Variants in CASQ2 observed in about 807,000 individuals in gnomAD.
The protein encoded by CASQ2 is calsequestrin 2, also known as calsequestrin-2.
A neutral mutation model predicts 46.5 loss-of-function variants in CASQ2; 49 were observed. The ratio of observed to expected loss-of-function variants is 1.05; its 90% CI spans 0.84 to 1.34. CASQ2 has a LOEUF of 1.34. Among genes scored for constraint, CASQ2 ranks in the 40% most tolerant of loss-of-function variants. The probability of loss-of-function intolerance (pLI) is 0.00; values close to 1 mark genes in which losing one functional copy is unlikely to be tolerated. For missense variants in CASQ2, 486 were observed against 481.3 expected, an observed-to-expected ratio of 1.01 and a Z score of -0.09; for synonymous variants, 174 against 168.5, an observed-to-expected ratio of 1.03 and a Z score of -0.25.
Position 115,730,764 on chromosome 1 carries a change from G to GT in CASQ2, c.606+2136dup, listed in dbSNP as rs529586799. Among the ~76,000 whole-genome samples the GT allele has an allele frequency of 4.3e-3, 653 of 152,244 alleles. 6 individuals carry two copies. Among genetic ancestry groups the GT allele is most frequent in the African/African-American group, 0.015 (625 of 41,530 alleles). On this transcript the variant is annotated intron_variant, in intron 5 of 10. Transcript: ENST00000261448. ...ATATCCACTTTTACTAGTGCCAGTT[G>GT]TTTTTTGCATTTTTGTGACCGCATT...
rs140006560 is a variant in CASQ2 at position 115,709,658 on chromosome 1, C to G, written c.839-4366G>C. 5.8e-3 allele frequency among the ~76,000 whole-genome samples: 885 copies of G among 152,336 alleles called. 9 individuals are homozygous for G. The highest frequency in any genetic ancestry group is 0.02 in the African/African-American group (845 of 41,564). On this transcript the variant is annotated intron_variant, in intron 8 of 10. Coordinates refer to ENST00000261448, the MANE Select transcript of CASQ2 (RefSeq NM_001232.4). The stretch of plus-strand genomic sequence containing the variant: ...AAACTCCAGGTAGATGAATAGCCCT[C>G]ACTCAGAACATTTGTCTCTGTTGAA...
rs149031487 is a variant in CASQ2, at chr1:115,714,260, A to T, written c.838+3580T>A. Among the ~76,000 whole-genome samples the T allele has an allele frequency of 5.4e-3, 829 of 152,280 alleles. 7 individuals carry two copies. The highest frequency in any genetic ancestry group is 0.019 in the African/African-American group (794 of 41,552). On this transcript the variant is annotated intron_variant, in intron 8 of 10. Coordinates refer to ENST00000261448, the MANE Select transcript of CASQ2 (RefSeq NM_001232.4). ...AAGTACACAGTAAGTGACAATCATC[A>T]TCATCTTCCTCATAGTCATGATGTA...
At chr1:115,711,977 T>A (rs1654562874) in intron 8 of CASQ2, among the ~76,000 whole-genome samples, 1 of 152,206 alleles carries the variant, frequency 6.6e-6, no homozygotes, top group Admixed American at 6.5e-5. Context: ...CAGGCAGGTA[T>A]AATTTGAGTT....
At chr1:115,768,112 A>G (rs1364452789) in intron 1 of CASQ2, among the ~76,000 whole-genome samples, 196 bp downstream of exon 1, 1 of 152,198 alleles carries the variant, frequency 6.6e-6, no homozygotes, top group African/African-American at 2.4e-5. Flanking sequence ...CTTCATTTGA[A>G]GAGTTAGGAC....
At chr1:115,765,947 G>A (rs1404445078) in intron 1 of CASQ2, among the ~76,000 whole-genome samples, 2 of 152,196 alleles carry the variant, frequency 1.3e-5, no homozygotes, top group Non-Finnish European at 2.9e-5. Flanking sequence ...CATGAAGAAA[G>A]TTTAAAGGCA....
Position 115,700,753 on chromosome 1 carries a change from T to G in CASQ2, c.*488A>C, listed in dbSNP as rs1570791284. On this transcript the variant is annotated 3_prime_UTR_variant, in exon 11 of 11. Coordinates refer to ENST00000261448, the MANE Select transcript of CASQ2 (RefSeq NM_001232.4). ...TGAGCCTTCTCTAAGAAGGATCATCTTGGCTGGAGGAGGGATCCCAACTGA... is the reference window on the plus strand; with the variant it reads ...TGAGCCTTCTCTAAGAAGGATCATCGTGGCTGGAGGAGGGATCCCAACTGA... 4 of 416,732 alleles carry G rather than the reference T, an allele frequency of 9.6e-6. No individual in the cohort carries two copies. The East Asian group carries it at 1.4e-4, about 15-fold the overall frequency. The allele number at this position is 416,732 out of a possible 1,614,324, so 25.8% of individuals were successfully genotyped here. A position where few individuals can be genotyped will look rare whatever the true frequency, so the allele number is the denominator to read the frequency against.
chr1:115,750,454 A>T (rs561022391), intron 1 of CASQ2, among the ~76,000 whole-genome samples: 1 of 152,296 alleles, frequency 6.6e-6, no homozygotes, highest in South Asian at 2.1e-4. Context: ...ACCATTGCTG[A>T]TTCTTTTAAG....
intron 7 of CASQ2, 83 bp downstream of exon 7, chr1:115,725,425 G>T: frequency 6.6e-7 from 1 of 1,514,488 alleles, no homozygotes. Flanking sequence ...CTTGGTTTGA[G>T]TTTGGGGACT....
In CASQ2 at chr1:115,745,989, C is replaced by T. The variant is rs12141261; in HGVS notation, c.235-1077G>A. Reference sequence around the variant, plus strand: ...CACACCCACTGGTTCGTGTCCCTATCCCCTCTTTTACCCTGGGCAACCACT... The same window carrying T: ...CACACCCACTGGTTCGTGTCCCTATTCCCTCTTTTACCCTGGGCAACCACT... On this transcript the variant is annotated intron_variant, in intron 1 of 10. Coordinates refer to ENST00000261448, the MANE Select transcript of CASQ2 (RefSeq NM_001232.4). Among the ~76,000 whole-genome samples, 1,047 of 152,304 alleles carry T rather than the reference C, an allele frequency of 6.9e-3. 11 individuals carry two copies. The highest frequency in any genetic ancestry group is 0.012 in the Non-Finnish European group (809 of 68,032).
chr1:115,765,150 C>T (rs1382781983), intron 1 of CASQ2, among the ~76,000 whole-genome samples: 2 of 152,190 alleles, frequency 1.3e-5, no homozygotes, highest in African/African-American at 4.8e-5. Flanking sequence ...CAGCAACCTC[C>T]CTGCACTGTA....
chr1:115,729,963 A>C (rs754795611), intron 5 of CASQ2, among the ~76,000 whole-genome samples: 2 of 152,200 alleles, frequency 1.3e-5, no homozygotes, highest in Non-Finnish European at 2.9e-5. Context: ...TTAAGAACTG[A>C]TATTTTTCAG....
At chr1:115,739,394 CA>C (rs1648099803) in intron 3 of CASQ2, among the ~76,000 whole-genome samples, 1 of 152,068 alleles carries the variant, frequency 6.6e-6, no homozygotes, top group Non-Finnish European at 1.5e-5. Flanking sequence ...GGATTACAGG[CA>C]TGAGCCACCA....
chr1:115,738,156 G>T (rs1357478955), intron 4 of CASQ2, 68 bp downstream of exon 4: 4 of 940,964 alleles, frequency 4.3e-6, no homozygotes, highest in Non-Finnish European at 7.1e-6. Flanking sequence ...CTCTTTTGGG[G>T]TAACCTGACA....
At chr1:115,716,680 T>C (rs140786996) in intron 8 of CASQ2, among the ~76,000 whole-genome samples, 2 of 152,282 alleles carry the variant, frequency 1.3e-5, no homozygotes, top group African/African-American at 4.8e-5. Context: ...AAAAACACTT[T>C]ATAAAATCAA....
intron 8 of CASQ2, among the ~76,000 whole-genome samples, chr1:115,717,391 C>T (rs115355490): frequency 3.9e-5 from 6 of 152,192 alleles, no homozygotes; most frequent in South Asian, 4.1e-4. Flanking sequence ...CACATCCTCA[C>T]GATTTCATCC....
At chr1:115,765,108 C>T (rs1327218781) in intron 1 of CASQ2, among the ~76,000 whole-genome samples, 1 of 152,194 alleles carries the variant, frequency 6.6e-6, no homozygotes, top group Non-Finnish European at 1.5e-5. Flanking sequence ...CCTCTACTCT[C>T]CCTGATAAAC....
At chr1:115,724,764 TA>T (rs918462310) in intron 7 of CASQ2, among the ~76,000 whole-genome samples, 6 of 152,174 alleles carry the variant, frequency 3.9e-5, no homozygotes, top group African/African-American at 1.4e-4. Context: ...TTCATCCTTA[TA>T]AAAAGTCCCA....
intron 10 of CASQ2, among the ~76,000 whole-genome samples, chr1:115,701,745 T>A (rs1388821678): frequency 6.6e-6 from 1 of 152,226 alleles, no homozygotes; most frequent in African/African-American, 2.4e-5. Flanking sequence ...GAAATACTTT[T>A]TACTTTGACC....
chr1:115,718,061 G>A lies in CASQ2; in HGVS notation c.784-167C>T, dbSNP rs374302843. Reference sequence around the variant, plus strand: ...AGGAGTACAGCGGGGCTCACATTAAGGAAGGAATGCTGAGGAGCAACTGCC... The same window carrying A: ...AGGAGTACAGCGGGGCTCACATTAAAGAAGGAATGCTGAGGAGCAACTGCC... On this transcript the variant is annotated intron_variant, in intron 7 of 10. Coordinates refer to ENST00000261448, the MANE Select transcript of CASQ2 (RefSeq NM_001232.4). Among the ~76,000 whole-genome samples the A allele has an allele frequency of 8.5e-5, 13 of 152,286 alleles. 1 individual carries two copies. Among genetic ancestry groups the A allele is most frequent in the East Asian group, 7.7e-4 (4 of 5,180 alleles).
Sources: gnomAD v4.1 joint callset for allele counts (sites outside exome capture counted in the v4.1 genomes callset) on GRCh38, gnomAD v4.1.1 for gene constraint, MANE v1.5 for transcripts, NCBI Gene and HGNC (gene_info 2026-07-23, HGNC 2026-07-21) for gene names.